Variants in ROBO1 observed in about 807,000 individuals in gnomAD.
ROBO1 encodes the protein roundabout guidance receptor 1.
In ROBO1, 149 loss-of-function variants were observed where a neutral mutation model predicts 195.9. The observed-to-expected ratio is 0.76, with a 90% confidence interval of 0.67 to 0.87. ROBO1 has a LOEUF of 0.87. ROBO1 is among the 40% of genes least tolerant of loss of function. The probability of loss-of-function intolerance (pLI) is 0.00; values close to 1 mark genes in which losing one functional copy is unlikely to be tolerated. For synonymous variants in ROBO1, 816 were observed against 733.2 expected, an observed-to-expected ratio of 1.11 and a Z score of -1.82; for missense variants, 1,933 against 2,068.3, an observed-to-expected ratio of 0.93 and a Z score of 1.27.
chr3:78,728,671 G>A (rs2082220312), intron 5 of ROBO1, among the ~76,000 whole-genome samples: 1 of 152,102 alleles, frequency 6.6e-6, no homozygotes, highest in African/African-American at 2.4e-5. Context: ...AAGAAAATAT[G>A]AGAATGATAA....
rs562798482 is a variant in ROBO1, at chr3:78,813,149, G to C, written c.500-66249C>G. Among the ~76,000 whole-genome samples the C allele has an allele frequency of 3.4e-4, 51 of 151,892 alleles. No individual in the cohort carries two copies. The Middle Eastern group carries it at 0.01, about 31-fold the overall frequency. Reference sequence around the variant, plus strand: ...CAATTGCCATATGATCTAATCTTTGGAAAAACAAACACAATTTAGCCAATA... The same window carrying C: ...CAATTGCCATATGATCTAATCTTTGCAAAAACAAACACAATTTAGCCAATA... On this transcript the variant is annotated intron_variant, in intron 4 of 30. Coordinates refer to ENST00000464233, the MANE Select transcript of ROBO1 (RefSeq NM_002941.4).
chr3:79,684,884 C>T lies in ROBO1; in HGVS notation c.-51+82868G>A, dbSNP rs117675479. Among the ~76,000 whole-genome samples, 3,702 of 151,956 alleles carry T rather than the reference C, an allele frequency of 0.024. 372 individuals carry two copies. In the East Asian group the frequency reaches 0.33, roughly 14 times the overall value. Reference sequence around the variant, plus strand: ...AGAGACGGGGTTTCACCGTGTTGCCCGGGCCGGTTGCACACTCCTGAGCTC... The same window carrying T: ...AGAGACGGGGTTTCACCGTGTTGCCTGGGCCGGTTGCACACTCCTGAGCTC... On this transcript the variant is annotated intron_variant, in intron 1 of 30. Transcript: ENST00000464233.
At chr3:79,576,118 T>C (rs562030951) in intron 2 of ROBO1, among the ~76,000 whole-genome samples, 1 of 152,084 alleles carries the variant, frequency 6.6e-6, no homozygotes, top group East Asian at 1.9e-4. Flanking sequence ...ACATTATACA[T>C]TGAATAGTCT....
intron 3 of ROBO1, among the ~76,000 whole-genome samples, chr3:79,098,004 T>C (rs1200637273): frequency 6.6e-6 from 1 of 151,762 alleles, no homozygotes; most frequent in Non-Finnish European, 1.5e-5. Flanking sequence ...GACACCAGTT[T>C]CTTTCCCTCA....
chr3:78,712,027 A>AC (rs2081767339), intron 8 of ROBO1, among the ~76,000 whole-genome samples: 3 of 140,508 alleles, frequency 2.1e-5, no homozygotes, highest in Non-Finnish European at 4.8e-5. Flanking sequence ...CAAAAAAAAA[A>AC]AAAAAAAAAA....
intron 2 of ROBO1, among the ~76,000 whole-genome samples, chr3:79,217,429 T>C (rs1361243296): frequency 1.3e-5 from 2 of 151,928 alleles, no homozygotes; most frequent in African/African-American, 2.4e-5. Flanking sequence ...TTTTAACGTA[T>C]TTTTTTCCCT....
intron 3 of ROBO1, among the ~76,000 whole-genome samples, chr3:79,089,124 T>G (rs1454181367): frequency 6.6e-6 from 1 of 152,152 alleles, no homozygotes; most frequent in East Asian, 1.9e-4. Context: ...AAAATACATC[T>G]CATAATGAAG....
At chr3:79,318,023 G>T (rs938695302) in intron 2 of ROBO1, among the ~76,000 whole-genome samples, 5 of 152,164 alleles carry the variant, frequency 3.3e-5, no homozygotes, top group Non-Finnish European at 4.4e-5. Context: ...TGAGTCCAAA[G>T]GTCAGCAGGT....
At chr3:79,742,388 T>C (rs1021414035) in intron 1 of ROBO1, among the ~76,000 whole-genome samples, 1 of 152,164 alleles carries the variant, frequency 6.6e-6, no homozygotes, top group Non-Finnish European at 1.5e-5. Context: ...CAGCTGTGGC[T>C]AAAAGGGCCA....
chr3:78,947,026 G>A (rs997013726), intron 3 of ROBO1, among the ~76,000 whole-genome samples: 1 of 152,090 alleles, frequency 6.6e-6, no homozygotes, highest in East Asian at 1.9e-4. Flanking sequence ...CACAAAGCAA[G>A]ACCTTAGTGA....
chr3:78,807,596 A>G (rs2084586538), intron 4 of ROBO1, among the ~76,000 whole-genome samples: 2 of 152,248 alleles, frequency 1.3e-5, no homozygotes, highest in South Asian at 4.1e-4. Flanking sequence ...TACAAACACT[A>G]AAACTACAGA....
chr3:79,361,597 A>C (rs1029532853), intron 2 of ROBO1, among the ~76,000 whole-genome samples: 1 of 152,044 alleles, frequency 6.6e-6, no homozygotes, highest in Non-Finnish European at 1.5e-5. Flanking sequence ...CAAGGACGAA[A>C]ATTTTAAATT....
chr3:79,707,128 G>A (rs1470610000), intron 1 of ROBO1, among the ~76,000 whole-genome samples: 1 of 152,032 alleles, frequency 6.6e-6, no homozygotes, highest in Non-Finnish European at 1.5e-5. Context: ...TCTAGGCATG[G>A]TGCTTTCAGA....
At chr3:78,796,325 A>T (rs1180754305) in intron 4 of ROBO1, among the ~76,000 whole-genome samples, 47 of 49,582 alleles carry the variant, frequency 9.5e-4, no homozygotes, top group African/African-American at 3.6e-3. Flanking sequence ...GCTAAAAAAA[A>T]AATTAAATAA....
At chr3:79,546,937 C>T (rs891213586) in intron 2 of ROBO1, among the ~76,000 whole-genome samples, 1 of 151,844 alleles carries the variant, frequency 6.6e-6, no homozygotes, top group Admixed American at 6.6e-5. Flanking sequence ...ATCCCAGCAC[C>T]TTGGGAGGCC....
intron 8 of ROBO1, among the ~76,000 whole-genome samples, chr3:78,690,590 C>T (rs1430077209): frequency 6.6e-6 from 1 of 151,934 alleles, no homozygotes; most frequent in Non-Finnish European, 1.5e-5. Context: ...CATACAGGAG[C>T]ATTCTATTCC....
intron 28 of ROBO1, among the ~76,000 whole-genome samples, chr3:78,612,114 T>C (rs1376553628): frequency 6.6e-6 from 1 of 152,170 alleles, no homozygotes; most frequent in Admixed American, 6.5e-5. Context: ...ATATAGTTTT[T>C]AAAGACTCTA....
intron 2 of ROBO1, among the ~76,000 whole-genome samples, chr3:79,403,615 C>G (rs1409192680): frequency 6.6e-6 from 1 of 151,960 alleles, no homozygotes; most frequent in Non-Finnish European, 1.5e-5. Flanking sequence ...TGGTTTTACC[C>G]TACTTTTGGG....
intron 2 of ROBO1, among the ~76,000 whole-genome samples, chr3:79,551,414 T>C (rs899601513): frequency 1.3e-4 from 19 of 151,284 alleles, no homozygotes; most frequent in Admixed American, 6.6e-4. Context: ...TAATAAAATA[T>C]ATATTTACTT....
Sources: allele counts gnomAD v4.1 joint callset (sites outside exome capture counted in the v4.1 genomes callset), GRCh38; gene constraint gnomAD v4.1.1; transcripts MANE v1.5; gene names NCBI Gene and HGNC (gene_info 2026-07-23, HGNC 2026-07-21).